Variants in APCDD1L observed in about 807,000 individuals in gnomAD.
APCDD1L encodes the protein APC down-regulated 1 like.
In APCDD1L, 21 loss-of-function variants were observed where a neutral mutation model predicts 24.2. The ratio of observed to expected loss-of-function variants is 0.87; its 90% CI spans 0.61 to 1.25. APCDD1L has a LOEUF of 1.25. Ranked by LOEUF, APCDD1L falls within the 50% of genes most tolerant of loss-of-function variation. The pLI, the probability that APCDD1L is intolerant of heterozygous loss-of-function variation, is 0.00. For synonymous variants in APCDD1L, 321 were observed against 323.6 expected, an observed-to-expected ratio of 0.99 and a Z score of 0.09; for missense variants, 704 against 711.7, an observed-to-expected ratio of 0.99 and a Z score of 0.12.
intron 1 of APCDD1L, among the ~76,000 whole-genome samples, chr20:58,500,426 G>T (rs1439710281): frequency 6.6e-6 from 1 of 152,010 alleles, no homozygotes; most frequent in Non-Finnish European, 1.5e-5. Context: ...GTCATATCCG[G>T]CCCCGCTCTG....
intron 1 of APCDD1L, chr20:58,513,793 G>T: frequency 1.2e-6 from 1 of 856,510 alleles, no homozygotes; most frequent in Non-Finnish European, 1.7e-6. Flanking sequence ...AGTCAAGGCT[G>T]AGAGAGCCGA....
chr20:58,491,109 T>C (rs376552932), intron 1 of APCDD1L, among the ~76,000 whole-genome samples: 2 of 152,246 alleles, frequency 1.3e-5, no homozygotes, highest in South Asian at 4.1e-4. Context: ...TATGTATCTA[T>C]GCTGATTAAG....
intron 1 of APCDD1L, among the ~76,000 whole-genome samples, chr20:58,492,811 A>C (rs1427021856): frequency 6.6e-6 from 1 of 152,128 alleles, no homozygotes; most frequent in Non-Finnish European, 1.5e-5. Context: ...GCATGCATAC[A>C]TGCACACACA....
Position 58,467,785 on chromosome 20 carries a change from C to A in APCDD1L, c.189-127G>T. On this transcript the variant is annotated intron_variant, in intron 2 of 3. Transcript: ENST00000371149. This position sits in a 1 kb window ranked among gnomAD's most constrained non-coding sequence, Gnocchi z 5.9. ...TTAGTCCTCAGCTCAGGCCTGGGCC[C>A]CTCCAGCCTCAGTTCCCCTCACTGC... 1.0e-6 allele frequency: 1 copy of A among 983,442 alleles called. No homozygotes were observed. Among genetic ancestry groups the A allele is most frequent in the Non-Finnish European group, 1.4e-6 (1 of 736,014 alleles). 60.9% of individuals were successfully genotyped at this position (983,442 alleles called of 1,614,324 possible).
chr20:58,471,248 G>A (rs544297181), intron 1 of APCDD1L, among the ~76,000 whole-genome samples: 1 of 152,316 alleles, frequency 6.6e-6, no homozygotes, highest in East Asian at 1.9e-4. Context: ...AGCCCTGGGG[G>A]CTGCTTGGCC....
At chr20:58,510,389 T>C (rs1458841336) in intron 1 of APCDD1L, among the ~76,000 whole-genome samples, 1 of 152,100 alleles carries the variant, frequency 6.6e-6, no homozygotes, top group African/African-American at 2.4e-5. Flanking sequence ...CTGGAGTGCA[T>C]TGGTGCAATC....
At chr20:58,513,802 G>A (rs1488280635) in intron 1 of APCDD1L, 5 of 943,580 alleles carry the variant, frequency 5.3e-6, no homozygotes, top group Non-Finnish European at 7.6e-6. Flanking sequence ...TGAGAGAGCC[G>A]ATGGCCATGC....
At chr20:58,464,386 A>T (rs952707172) in intron 3 of APCDD1L, among the ~76,000 whole-genome samples, 1 of 152,186 alleles carries the variant, frequency 6.6e-6, no homozygotes, top group East Asian at 1.9e-4. Context: ...GAGAAAAAGC[A>T]TTTCCTTCTG....
At position 58,494,027 on chromosome 20, in the gene APCDD1L, GA is replaced by G. The variant is rs772073172; in HGVS notation, c.49+20631del. On this transcript the variant is annotated intron_variant, in intron 1 of 3. Coordinates refer to ENST00000371149, the MANE Select transcript of APCDD1L (RefSeq NM_153360.3). This position sits in a 1 kb window ranked among gnomAD's most constrained non-coding sequence, Gnocchi z 4.8. ...TATTCTTACAATAAAGTGAGCTAGA[GA>G]AAAGGTTATTGACAAAATCATAAGG... 2.6e-5 allele frequency among the ~76,000 whole-genome samples: 4 copies of G among 152,170 alleles called. No homozygotes were observed. The highest frequency in any genetic ancestry group is 6.5e-5 in the Admixed American group (1 of 15,274).
chr20:58,467,506 C>G lies in APCDD1L; in HGVS notation c.341G>C (p.Arg114Pro), dbSNP rs1307383284. 1 of 1,599,644 alleles carries G rather than the reference C, an allele frequency of 6.3e-7. No individual in the cohort carries two copies. Among genetic ancestry groups the G allele is most frequent in the Non-Finnish European group, 8.5e-7 (1 of 1,173,192 alleles). The change falls in exon 3 of 4, where the codon CGG (arginine) becomes CCG (proline). Residue 114 changes from arginine (R) to proline (P), a missense_variant. Arg to Pro is a moderately radical substitution (Grantham distance 103, BLOSUM62 -2). Transcript: ENST00000371149. This position sits in a 1 kb window ranked among gnomAD's most constrained non-coding sequence, Gnocchi z 5.9. ...LLVKGKVRLRRASWVTRGATE... is the reference protein window; with the variant it reads ...LLVKGKVRLRPASWVTRGATE... The stretch of plus-strand genomic sequence containing the variant: ...GGCTCCCCGGGTGACCCAGGAGGCC[C>G]GGCGCAGGCGGACTTTGCCCTTGAC...
intron 1 of APCDD1L, among the ~76,000 whole-genome samples, chr20:58,498,949 C>T (rs964223342): frequency 2.0e-5 from 3 of 152,216 alleles, no homozygotes; most frequent in South Asian, 2.1e-4. Flanking sequence ...GTGGCTGGTT[C>T]CCCCCTTGGC....
At chr20:58,514,273 G>C (rs1434937425) in intron 1 of APCDD1L, among the ~76,000 whole-genome samples, 3 of 152,220 alleles carry the variant, frequency 2.0e-5, no homozygotes, top group African/African-American at 7.2e-5. Flanking sequence ...AGTAACCTTG[G>C]TCTGAATAGC....
At chr20:58,478,817 G>A (rs1989965933) in intron 1 of APCDD1L, among the ~76,000 whole-genome samples, 1 of 151,950 alleles carries the variant, frequency 6.6e-6, no homozygotes, top group Non-Finnish European at 1.5e-5. Flanking sequence ...ATCTGGCTGA[G>A]GGCAAAAGGG....
chr20:58,489,920 T>G (rs775877113), intron 1 of APCDD1L, among the ~76,000 whole-genome samples: 11 of 151,950 alleles, frequency 7.2e-5, no homozygotes, highest in Non-Finnish European at 1.2e-4. Flanking sequence ...ATGGGAAAAT[T>G]AACAATAAAT....
chr20:58,481,283 T>C (rs1990019370), intron 1 of APCDD1L, among the ~76,000 whole-genome samples: 2 of 152,224 alleles, frequency 1.3e-5, no homozygotes, highest in Non-Finnish European at 2.9e-5. Flanking sequence ...CTGAAGCTTT[T>C]ATTGTTCTAT....
intron 1 of APCDD1L, among the ~76,000 whole-genome samples, chr20:58,514,255 A>G (rs1990691623): frequency 6.6e-6 from 1 of 152,070 alleles, no homozygotes; most frequent in Non-Finnish European, 1.5e-5. Context: ...GTGGGCAAAA[A>G]CAACCCCAGT....
intron 1 of APCDD1L, among the ~76,000 whole-genome samples, chr20:58,482,029 A>T (rs4812004): frequency 0.55 from 83,822 of 152,036 alleles, 23,659 homozygotes; most frequent in East Asian, 0.68. Context: ...TCTCGGCTCC[A>T]TGGGCCTCTC....
At chr20:58,463,143 C>CA (rs398036014) in intron 3 of APCDD1L, among the ~76,000 whole-genome samples, 36,539 of 94,128 alleles carry the variant, frequency 0.39, 7,695 homozygotes, top group African/African-American at 0.58. Context: ...CTCCATCTCA[C>CA]AAAAAAAAAA....
At chr20:58,470,968 C>A (rs185457339) in intron 1 of APCDD1L, among the ~76,000 whole-genome samples, 1 of 152,216 alleles carries the variant, frequency 6.6e-6, no homozygotes, top group South Asian at 2.1e-4. Flanking sequence ...CTCCTGGGTT[C>A]CCAGATGTGA....
Sources: allele counts gnomAD v4.1 joint callset (sites outside exome capture counted in the v4.1 genomes callset), GRCh38; gene constraint gnomAD v4.1.1; non-coding constraint Gnocchi (gnomAD v3.1); transcripts MANE v1.5; gene names NCBI Gene and HGNC (gene_info 2026-07-23, HGNC 2026-07-21).